RNASEH2C: variants seen among roughly 807,000 people sequenced by gnomAD.
RNASEH2C encodes ribonuclease H2 subunit C.
A neutral mutation model predicts 16.3 loss-of-function variants in RNASEH2C; 20 were observed. The observed-to-expected ratio is 1.23, with a 90% CI of 0.86 to 1.79. The LOEUF (loss-of-function observed/expected upper bound fraction) is 1.79, where lower values mean the gene tolerates loss of function less well. Among genes scored for constraint, RNASEH2C ranks in the 40% most tolerant of loss-of-function variants. The pLI is 0.00. For missense variants in RNASEH2C, 296 were observed against 235.9 expected, an observed-to-expected ratio of 1.25 and a Z score of -1.67; for synonymous variants, 106 against 98.9, an observed-to-expected ratio of 1.07 and a Z score of -0.43.
At position 65,719,823 on chromosome 11, in the gene RNASEH2C, C is replaced by G. The variant is rs377465285; in HGVS notation, c.469-14G>C. On this transcript the variant is annotated splice_polypyrimidine_tract_variant and intron_variant, in intron 3 of 3. Coordinates refer to ENST00000308418, the MANE Select transcript of RNASEH2C (RefSeq NM_032193.4). ...CTGTGCGTGAATCTGCAACAGGAGTCGCCTCTACTGTTGGACTTGTAAGAC... is the reference window on the plus strand; with the variant it reads ...CTGTGCGTGAATCTGCAACAGGAGTGGCCTCTACTGTTGGACTTGTAAGAC... 3 of 1,613,786 alleles carry G rather than the reference C, an allele frequency of 1.9e-6. No individual in the cohort carries two copies. The African/African-American group carries it at 4.0e-5, about 22-fold the overall frequency.
chr11:65,718,775 G>T lies in RNASEH2C; in HGVS notation c.*1008C>A, dbSNP rs748609095. ...GTGAGCCTGGCGCTGTCTACCTGGG[G>T]GTACATGGCATGGCTTGTCTGTTCC... On this transcript the variant is annotated 3_prime_UTR_variant, in exon 4 of 4. Coordinates refer to ENST00000308418, the MANE Select transcript of RNASEH2C (RefSeq NM_032193.4). 5.7e-5 allele frequency: 92 copies of T among 1,613,944 alleles called. No individual in the cohort carries two copies. The highest frequency in any genetic ancestry group is 1.6e-4 in the Middle Eastern group (1 of 6,084).
At position 65,718,385 on chromosome 11, in the gene RNASEH2C, C is replaced by T. The variant is rs777099295; in HGVS notation, c.*1398G>A. 2 of 574,250 alleles carry T rather than the reference C, an allele frequency of 3.5e-6. No individual in the cohort carries two copies. The highest frequency in any genetic ancestry group is 4.7e-4 in the Middle Eastern group (1 of 2,148). 35.6% of individuals were successfully genotyped at this position (574,250 alleles called of 1,614,324 possible). A position where few individuals can be genotyped will look rare whatever the true frequency, so the allele number is the denominator to read the frequency against. On this transcript the variant is annotated 3_prime_UTR_variant, in exon 4 of 4. Coordinates refer to ENST00000308418, the MANE Select transcript of RNASEH2C (RefSeq NM_032193.4). ...GCTGCTCCTCTCAGTGCCCTCATGCCCTCCACTGTGCTCAGCGCACGGAAA... is the reference window on the plus strand; with the variant it reads ...GCTGCTCCTCTCAGTGCCCTCATGCTCTCCACTGTGCTCAGCGCACGGAAA...
rs772347588 is a variant in RNASEH2C at position 65,720,321 on chromosome 11, T to A, written c.269A>T (p.Lys90Met). Reference protein sequence around the residue: ...VGYVMVTEEKKVSMGKPDPLR... With the variant: ...VGYVMVTEEKMVSMGKPDPLR... ...GGGGTCTGGCTTCCCCATCGACACC[T>A]TCTTCTCTTCTGTCACCATCACGTA... The change falls in exon 2 of 4, where the codon AAG becomes ATG. Residue 90 changes from lysine (K) to methionine (M), a missense_variant. Physicochemically the swap from Lys to Met is moderately conservative, Grantham distance 95. Transcript: ENST00000308418. 1.8e-4 allele frequency: 290 copies of A among 1,601,800 alleles called. No homozygotes were observed. Among genetic ancestry groups the A allele is most frequent in the Middle Eastern group, 3.3e-4 (2 of 6,068 alleles).
intron 1 of RNASEH2C, 52 bp downstream of exon 1, chr11:65,720,535 C>T: frequency 1.3e-6 from 2 of 1,529,046 alleles, no homozygotes; most frequent in African/African-American, 1.4e-5. Context: ...ATGAGAAGCG[C>T]GCAGGCCGGC....
Position 65,720,414 on chromosome 11 carries a change from A to G in RNASEH2C, c.176T>C (p.Leu59Pro), listed in dbSNP as rs776487895. The G allele has an allele frequency of 5.0e-6, 8 of 1,613,754 alleles. No homozygotes were observed. The Admixed American group carries it at 6.7e-5, about 13-fold the overall frequency. The change falls in exon 2 of 4, where the codon CTC becomes CCC. Residue 59 changes from leucine (L) to proline (P), a missense_variant. Physicochemically the swap from Leu to Pro is moderately conservative, Grantham distance 98 (BLOSUM62 -3). Coordinates refer to ENST00000308418, the MANE Select transcript of RNASEH2C (RefSeq NM_032193.4). ...ACAGCGGCCCCGAAACGACACTTCG[A>G]GTCCTGGAGCGGGAGGCGCAAAGGG... ...TPAIRQGPEG[L>P]EVSFRGRCLR...
chr11:65,719,916 G>T (rs761170618), intron 3 of RNASEH2C, 107 bp from the exon 4 acceptor site: 1 of 1,602,402 alleles, frequency 6.2e-7, no homozygotes. Flanking sequence ...TTCTAGACAT[G>T]CTAGGAAGAG....
rs1391908392 is a variant in RNASEH2C at position 65,720,629 on chromosome 11, C to G, written c.130G>C (p.Val44Leu). The G allele has an allele frequency of 1.3e-6, 2 of 1,555,166 alleles. No individual in the cohort carries two copies. Among genetic ancestry groups the G allele is most frequent in the Non-Finnish European group, 1.7e-6 (2 of 1,154,026 alleles). The change falls in exon 1 of 4, where the codon GTG becomes CTG. Residue 44 changes from valine to leucine, a missense_variant. Coordinates refer to ENST00000308418, the MANE Select transcript of RNASEH2C (RefSeq NM_032193.4). ...CEVAVDGPAP[V>L]GRFFTPAIRQ... ...ATGGCGGGCGTGAAGAAGCGCCCCA[C>G]CGGGGCGGGCCCGTCCACCGCAACC...
chr11:65,718,440 C>T lies in RNASEH2C; in HGVS notation c.*1343G>A, dbSNP rs1565211295. ...GAATACTCAGTTCTTCCTGAGGGAA[C>T]TGAGGCACAGAGAAGTGGAGGGCAT... On this transcript the variant is annotated 3_prime_UTR_variant, in exon 4 of 4. Coordinates refer to ENST00000308418, the MANE Select transcript of RNASEH2C (RefSeq NM_032193.4). 3 of 753,688 alleles carry T rather than the reference C, an allele frequency of 4.0e-6. No homozygotes were observed. The highest frequency in any genetic ancestry group is 4.9e-5 in the East Asian group (2 of 40,588). 46.7% of individuals were successfully genotyped at this position (753,688 alleles called of 1,614,324 possible). A position where few individuals can be genotyped will look rare whatever the true frequency, so the allele number is the denominator to read the frequency against.
Position 65,720,738 on chromosome 11 carries a change from C to A in RNASEH2C, c.21G>T (p.Ala7=), listed in dbSNP as rs752906159. ...AGTGGACGCGGTGCCTCTCGATGGC[C>A]GCTTCGTCGCCGCTCTCCATCCTCC... The part of the protein sequence containing the change: MESGDE[A]AIERHRVHLR... The change falls in exon 1 of 4, where the codon GCG becomes GCT. Residue 7 remains alanine, a synonymous_variant. Coordinates refer to ENST00000308418, the MANE Select transcript of RNASEH2C (RefSeq NM_032193.4). The A allele has an allele frequency of 3.8e-6, 6 of 1,594,830 alleles. No homozygotes were observed. Among genetic ancestry groups the A allele is most frequent in the East Asian group, 2.3e-5 (1 of 44,028 alleles).
Position 65,720,687 on chromosome 11 carries a change from G to A in RNASEH2C, c.72C>T (p.Ala24=), listed in dbSNP as rs755716409. 4 of 1,585,438 alleles carry A rather than the reference G, an allele frequency of 2.5e-6. No homozygotes were observed. Among genetic ancestry groups the A allele is most frequent in the Admixed American group, 1.7e-5 (1 of 57,700 alleles). The change falls in exon 1 of 4, where the codon GCC becomes GCT. Residue 24 remains alanine (A), a synonymous_variant. Coordinates refer to ENST00000308418, the MANE Select transcript of RNASEH2C (RefSeq NM_032193.4). ...GCAGCAGATGCAGTGTGGCGGGTACGGCGTCGCGCAATGTGGCGGAGCGCA... is the reference window on the plus strand; with the variant it reads ...GCAGCAGATGCAGTGTGGCGGGTACAGCGTCGCGCAATGTGGCGGAGCGCA... ...VHLRSATLRD[A]VPATLHLLPC... is the part of the protein sequence containing the mutation.
rs1237920401 is a variant in RNASEH2C, at chr11:65,720,246, T to G, written c.344A>C (p.Asp115Ala). 1 of 1,614,216 alleles carries G rather than the reference T, an allele frequency of 6.2e-7. No homozygotes were observed. The highest frequency in any genetic ancestry group is 1.1e-5 in the South Asian group (1 of 91,082). ...DDQEEEPLER[D>A]FDRFIGATAN... is the part of the protein sequence containing the mutation. The stretch of plus-strand genomic sequence containing the variant: ...CAACCCTATCCCTTTGCTCACGAAG[T>G]CCCGCTCCAGCGGCTCCTCCTCTTG... The change falls in exon 2 of 4, where the codon GAC (aspartate) becomes GCC (alanine). Residue 115 changes from aspartate to alanine, a missense_variant. By Grantham distance (126) the Asp-to-Ala change is moderately radical. Coordinates refer to ENST00000308418, the MANE Select transcript of RNASEH2C (RefSeq NM_032193.4).
At chr11:65,720,013 C>G in intron 3 of RNASEH2C, 32 bp downstream of exon 3, 1 of 1,611,670 alleles carries the variant, frequency 6.2e-7, no homozygotes, top group South Asian at 1.1e-5. Context: ...CCCATCCACC[C>G]GGGGGCAAGA....
Position 65,719,338 on chromosome 11 carries a change from C to G in RNASEH2C, c.*445G>C. On this transcript the variant is annotated 3_prime_UTR_variant, in exon 4 of 4. Transcript: ENST00000308418. ...GGCCTGGCAGGGGCCCACTGGTGCC[C>G]AGCACCAAGGCGAGCTCCGGGCTCA... The G allele has an allele frequency of 1.1e-6, 1 of 931,872 alleles. No individual in the cohort carries two copies. The highest frequency in any genetic ancestry group is 1.6e-6 in the Non-Finnish European group (1 of 637,890). The allele number at this position is 931,872 out of a possible 1,614,324, so 57.7% of individuals were successfully genotyped here.
chr11:65,719,312 A>G lies in RNASEH2C; in HGVS notation c.*471T>C, dbSNP rs1277188344. 2 of 1,141,652 alleles carry G rather than the reference A, an allele frequency of 1.8e-6. No individual in the cohort carries two copies. The highest frequency in any genetic ancestry group is 1.6e-5 in the African/African-American group (1 of 64,454). The allele number at this position is 1,141,652 out of a possible 1,614,324, so 70.7% of individuals were successfully genotyped here. On this transcript the variant is annotated 3_prime_UTR_variant, in exon 4 of 4. Transcript: ENST00000308418. ...GAGGACAGCTCAAAAAGGAGAGGAC[A>G]GGCCTGGCAGGGGCCCACTGGTGCC...
intron 1 of RNASEH2C, 39 bp downstream of exon 1, chr11:65,720,547 CG>C (rs1236651111): frequency 1.3e-6 from 2 of 1,517,314 alleles, no homozygotes; most frequent in Non-Finnish European, 1.8e-6. Context: ...CAGGCCGGCG[CG>C]GGGGCTGCCG....
In RNASEH2C at chr11:65,719,188, A is replaced by G; in HGVS notation, c.*595T>C. 6.2e-7 allele frequency: 1 copy of G among 1,613,106 alleles called. No individual in the cohort carries two copies. The highest frequency in any genetic ancestry group is 8.5e-7 in the Non-Finnish European group (1 of 1,179,720). Reference sequence around the variant, plus strand: ...CAAGAGGGGGAAGTGGTGACCAGACACTGCCCACTGCAGTGCCAAGACGGC... The same window carrying G: ...CAAGAGGGGGAAGTGGTGACCAGACGCTGCCCACTGCAGTGCCAAGACGGC... On this transcript the variant is annotated 3_prime_UTR_variant, in exon 4 of 4. Transcript: ENST00000308418.
In RNASEH2C at chr11:65,718,807, TTC is replaced by T. The variant is rs369903559; in HGVS notation, c.*974_*975del. The T allele has an allele frequency of 3.1e-6, 5 of 1,613,760 alleles. No homozygotes were observed. Among genetic ancestry groups the T allele is most frequent in the East Asian group, 4.5e-5 (2 of 44,874 alleles). ...GGCATGGCTTGTCTGTTCCTGGGCT[TTC>T]TCTCTCAGGGCTCCTGGGGACAGAT... On this transcript the variant is annotated 3_prime_UTR_variant, in exon 4 of 4. Transcript: ENST00000308418.
rs1347986588 is a variant in RNASEH2C at position 65,720,708 on chromosome 11, G to A, written c.51C>T (p.Arg17=). 6.3e-7 allele frequency: 1 copy of A among 1,596,998 alleles called. No individual in the cohort carries two copies. The highest frequency in any genetic ancestry group is 2.3e-5 in the East Asian group (1 of 44,042). The change falls in exon 1 of 4, where the codon CGC becomes CGT. Residue 17 remains arginine (R), a synonymous_variant. Transcript: ENST00000308418. Reference sequence around the variant, plus strand: ...GTACGGCGTCGCGCAATGTGGCGGAGCGCAAGTGGACGCGGTGCCTCTCGA... The same window carrying A: ...GTACGGCGTCGCGCAATGTGGCGGAACGCAAGTGGACGCGGTGCCTCTCGA... The part of the protein sequence containing the change: ...AAIERHRVHL[R]SATLRDAVPA...
At position 65,719,349 on chromosome 11, in the gene RNASEH2C, C is replaced by T. The variant is rs1032708511; in HGVS notation, c.*434G>A. The T allele has an allele frequency of 2.3e-5, 20 of 852,240 alleles. No individual in the cohort carries two copies. Among genetic ancestry groups the T allele is most frequent in the Non-Finnish European group, 3.2e-5 (18 of 566,374 alleles). The allele number at this position is 852,240 out of a possible 1,614,324, so 52.8% of individuals were successfully genotyped here. On this transcript the variant is annotated 3_prime_UTR_variant, in exon 4 of 4. Coordinates refer to ENST00000308418, the MANE Select transcript of RNASEH2C (RefSeq NM_032193.4). ...GGCCCACTGGTGCCCAGCACCAAGGCGAGCTCCGGGCTCAGACCAACTCCA... is the reference window on the plus strand; with the variant it reads ...GGCCCACTGGTGCCCAGCACCAAGGTGAGCTCCGGGCTCAGACCAACTCCA...
Sources: gnomAD v4.1 joint callset for allele counts on GRCh38, gnomAD v4.1.1 for gene constraint, MANE v1.5 for transcripts, NCBI Gene and HGNC (gene_info 2026-07-23, HGNC 2026-07-21) for gene names.